STOX2: variants seen among roughly 807,000 people sequenced by gnomAD.
STOX2 encodes the protein storkhead-box protein 2.
Under a neutral mutation model 60.9 loss-of-function variants are expected in STOX2, and 28 were observed. The ratio of observed to expected loss-of-function variants is 0.46; its 90% CI spans 0.34 to 0.63. The LOEUF (loss-of-function observed/expected upper bound fraction) is 0.63, where lower values mean the gene tolerates loss of function less well. Among genes scored for constraint, STOX2 ranks in the 30% least tolerant of loss-of-function variants. STOX2 has a pLI of 0.01. For missense variants in STOX2, 1,024 were observed against 1,187.7 expected (o/e 0.86, Z 2.03); for synonymous variants, 472 against 463.9 (o/e 1.02, Z -0.22).
chr4:184,015,173 A>G (rs1734317485), intron 3 of STOX2: 1 of 152,216 alleles, frequency 6.6e-6, no homozygotes, highest in Non-Finnish European at 1.5e-5. Context: ...GAGATGAGGA[A>G]GTCAGATACT....
chr4:183,964,389 G>A (rs1404176483), intron 1 of STOX2, among the ~76,000 whole-genome samples: 1 of 152,174 alleles, frequency 6.6e-6, no homozygotes, highest in African/African-American at 2.4e-5. Context: ...TTTAGATTGA[G>A]TCTATGGTGA....
Position 184,001,352 on chromosome 4 carries a change from C to T in STOX2, c.194C>T (p.Pro65Leu). ...SGDVSPISMS[P>L]ISQSQFIPLG... Reference sequence around the variant, plus strand: ...GATGTATCACCCATCAGTATGTCTCCCATCAGTCAGTCTCAGTTTATTCCA... The same window carrying T: ...GATGTATCACCCATCAGTATGTCTCTCATCAGTCAGTCTCAGTTTATTCCA... The change falls in exon 2 of 4, where the codon CCC becomes CTC. Residue 65 changes from proline (P) to leucine (L), a missense_variant. Physicochemically the swap from Pro to Leu is moderately conservative, Grantham distance 98 (BLOSUM62 -3). Around this residue, in one of 3 missense-constraint regions of STOX2, gnomAD observed 98 missense variants for 110.2 expected, o/e 0.89. Coordinates refer to ENST00000308497, the MANE Select transcript of STOX2 (RefSeq NM_020225.3). The surrounding 1 kb of genome is among the most constrained non-coding windows in gnomAD (Gnocchi z 4.2). 1 of 1,613,866 alleles carries T rather than the reference C, an allele frequency of 6.2e-7. No homozygotes were observed. The highest frequency in any genetic ancestry group is 8.5e-7 in the Non-Finnish European group (1 of 1,179,848).
intron 1 of STOX2, among the ~76,000 whole-genome samples, chr4:183,804,794 A>G (rs1018476041): frequency 8.2e-5 from 12 of 146,392 alleles, no homozygotes; most frequent in Non-Finnish European, 1.2e-4. Context: ...CATTGTAATA[A>G]AGCATTTAGA....
intron 2 of STOX2, among the ~76,000 whole-genome samples, chr4:184,008,237 T>C (rs1560938397): frequency 6.6e-6 from 1 of 152,230 alleles, no homozygotes; most frequent in South Asian, 2.1e-4. Flanking sequence ...ATGAAGTAAA[T>C]GGGCTGGAGC....
In STOX2 at chr4:184,010,267, C is replaced by T. The variant is rs767334583; in HGVS notation, c.1429C>T (p.Arg477Trp). 12 of 1,576,466 alleles carry T rather than the reference C, an allele frequency of 7.6e-6. 1 individual carries two copies. The highest frequency in any genetic ancestry group is 4.7e-5 in the East Asian group (2 of 42,530). The change falls in exon 3 of 4, where the codon CGG becomes TGG. Residue 477 changes from arginine to tryptophan, a missense_variant. Arg to Trp is a moderately radical substitution (Grantham distance 101, BLOSUM62 -3). Coordinates refer to ENST00000308497, the MANE Select transcript of STOX2 (RefSeq NM_020225.3). The surrounding 1 kb of genome is among the most constrained non-coding windows in gnomAD (Gnocchi z 4.5). ...CCGAAGCCACAGCCATACACAGGACCGGAGGTCCAGGAATGAGAGATCCAA... is the reference window on the plus strand; with the variant it reads ...CCGAAGCCACAGCCATACACAGGACTGGAGGTCCAGGAATGAGAGATCCAA... ...VHRSHSHTQDRRSRNERSNKA... is the reference protein window; with the variant it reads ...VHRSHSHTQDWRSRNERSNKA...
chr4:183,830,932 T>C (rs2111120244), intron 1 of STOX2, among the ~76,000 whole-genome samples: 1 of 149,910 alleles, frequency 6.7e-6, no homozygotes, highest in Admixed American at 6.7e-5. Flanking sequence ...TAGCTGTATA[T>C]GATTGAACAG....
chr4:183,833,601 G>C (rs1739624203), intron 1 of STOX2, among the ~76,000 whole-genome samples: 1 of 151,028 alleles, frequency 6.6e-6, no homozygotes, highest in South Asian at 2.1e-4. Flanking sequence ...CGGGGCTGAT[G>C]AAAATGATAC....
At chr4:184,015,902 GTTC>G (rs1381463334) in intron 3 of STOX2, 1 of 152,168 alleles carries the variant, frequency 6.6e-6, no homozygotes, top group Non-Finnish European at 1.5e-5. Context: ...AAGCTACTCA[GTTC>G]TTCTCAATCT....
intron 1 of STOX2, among the ~76,000 whole-genome samples, chr4:183,850,452 G>T (rs1469523676): frequency 6.6e-6 from 1 of 152,052 alleles, no homozygotes; most frequent in African/African-American, 2.4e-5. Flanking sequence ...AAAAGGGCTG[G>T]GCATGGTGGC....
intron 1 of STOX2, among the ~76,000 whole-genome samples, chr4:183,996,638 G>A (rs12642003): frequency 0.26 from 39,067 of 152,070 alleles, 5,866 homozygotes; most frequent in Non-Finnish European, 0.33. Context: ...CTTGAATAAT[G>A]TTTATGTTGT....
chr4:183,877,053 G>GT (rs1162397939), intron 1 of STOX2, among the ~76,000 whole-genome samples: 10 of 152,108 alleles, frequency 6.6e-5, no homozygotes, highest in Admixed American at 2.0e-4. Context: ...TGTTTTTTGG[G>GT]TTTTTTTAAT....
intron 1 of STOX2, among the ~76,000 whole-genome samples, chr4:183,989,225 A>G (rs529290759): frequency 7.5e-6 from 1 of 132,650 alleles, no homozygotes; most frequent in East Asian, 2.3e-4. Flanking sequence ...TTTTTGAGAC[A>G]GAGTTTTGCT....
chr4:183,833,504 T>C (rs1364102155), intron 1 of STOX2, among the ~76,000 whole-genome samples: 3 of 152,188 alleles, frequency 2.0e-5, no homozygotes, highest in Non-Finnish European at 2.9e-5. Flanking sequence ...GGAGACATTC[T>C]GAAAAAATCC....
chr4:183,880,652 C>T (rs184749187), intron 1 of STOX2, among the ~76,000 whole-genome samples: 1 of 152,120 alleles, frequency 6.6e-6, no homozygotes, highest in Non-Finnish European at 1.5e-5. Flanking sequence ...TTGGGGCCTT[C>T]GTCTGATAAA....
At chr4:183,902,644 C>T (rs1317886468), upstream of STOX2, among the ~76,000 whole-genome samples, 2 of 152,168 alleles carry the variant, frequency 1.3e-5, no homozygotes, top group Non-Finnish European at 1.5e-5. Context: ...GATGGACAGA[C>T]TGAGTCTGAT....
chr4:183,944,574 C>T (rs565791052), intron 1 of STOX2, among the ~76,000 whole-genome samples: 9 of 152,246 alleles, frequency 5.9e-5, no homozygotes, highest in Non-Finnish European at 1.0e-4. Context: ...GTTAGTCAAG[C>T]GTGGTGGCGC....
At chr4:183,935,161 A>G (rs887654455) in intron 1 of STOX2, among the ~76,000 whole-genome samples, 1 of 152,084 alleles carries the variant, frequency 6.6e-6, no homozygotes, top group Non-Finnish European at 1.5e-5. Context: ...ACACACAGAT[A>G]CTCCCCAGCA....
intron 1 of STOX2, among the ~76,000 whole-genome samples, chr4:183,878,933 G>GTT (rs61339222): frequency 8.0e-5 from 11 of 137,812 alleles, no homozygotes; most frequent in Non-Finnish European, 1.3e-4. Flanking sequence ...CTCATGGATA[G>GTT]TTTTTTTTTT....
chr4:183,966,654 A>C (rs569788022), intron 1 of STOX2, among the ~76,000 whole-genome samples: 5 of 152,346 alleles, frequency 3.3e-5, no homozygotes, highest in Non-Finnish European at 7.3e-5. Flanking sequence ...CTGAACACTC[A>C]ACAAGGAGGC....
Sources: gnomAD v4.1 joint callset for allele counts (sites outside exome capture counted in the v4.1 genomes callset) on GRCh38, gnomAD v4.1.1 for gene constraint, gnomAD v4.1.1 regional missense constraint, Gnocchi (gnomAD v3.1) non-coding constraint, MANE v1.5 for transcripts, NCBI Gene and HGNC (gene_info 2026-07-23, HGNC 2026-07-21) for gene names.